The following C1orf21 variants were observed in gnomAD, a reference collection of about 807,000 sequenced individuals.
C1orf21 encodes uncharacterized protein C1orf21.
Under a neutral mutation model 18.7 loss-of-function variants are expected in C1orf21, and 3 were observed. That is an observed-to-expected ratio of 0.16 (90% CI 0.07 to 0.42). C1orf21 has a LOEUF of 0.42. C1orf21 is among the 10% of genes least tolerant of loss of function. The pLI is 0.99. For synonymous variants in C1orf21, 41 were observed against 46.4 expected, an observed-to-expected ratio of 0.88 and a Z score of 0.47; for missense variants, 104 against 143.6, an observed-to-expected ratio of 0.72 and a Z score of 1.41.
chr1:184,507,768 C>A, intron 3 of C1orf21, 86 bp downstream of exon 3: 1 of 1,006,814 alleles, frequency 9.9e-7, no homozygotes, highest in Non-Finnish European at 1.4e-6. Context: ...CTGCAACTTA[C>A]ACACTGGCAC....
At chr1:184,496,734 C>T (rs1255744950) in intron 2 of C1orf21, among the ~76,000 whole-genome samples, 1 of 152,202 alleles carries the variant, frequency 6.6e-6, no homozygotes, top group Non-Finnish European at 1.5e-5. Flanking sequence ...GGCTGTTTTG[C>T]ACCCTGTATG....
chr1:184,567,599 C>T (rs1324656550), intron 3 of C1orf21: 4 of 446,764 alleles, frequency 9.0e-6, no homozygotes, highest in Non-Finnish European at 1.8e-5. Context: ...CTTGGGATTT[C>T]GTTGGTGGGG....
chr1:184,436,305 C>T (rs528605346), intron 1 of C1orf21, among the ~76,000 whole-genome samples: 61 of 152,136 alleles, frequency 4.0e-4, no homozygotes, highest in African/African-American at 1.5e-3. Context: ...CATCTCTTTT[C>T]TTTATGAAGT....
At chr1:184,566,571 G>T in intron 3 of C1orf21, 1 of 381,414 alleles carries the variant, frequency 2.6e-6, no homozygotes, top group Admixed American at 3.0e-5. Context: ...CTCTATGGTG[G>T]GTTTCTTCTC....
At chr1:184,540,948 A>C (rs1339566) in intron 3 of C1orf21, among the ~76,000 whole-genome samples, 77,017 of 152,064 alleles carry the variant, frequency 0.51, 19,757 homozygotes, top group African/African-American at 0.61. Context: ...AGTTCCAAAA[A>C]CAAATGATAA....
Position 184,419,538 on chromosome 1 carries a change from C to G in C1orf21, c.-125+32170C>G, listed in dbSNP as rs1017440368. Among the ~76,000 whole-genome samples the G allele has an allele frequency of 1.1e-4, 17 of 152,164 alleles. No homozygotes were observed. The East Asian group carries it at 3.3e-3, about 29-fold the overall frequency. On this transcript the variant is annotated intron_variant, in intron 1 of 5. Transcript: ENST00000235307. The stretch of plus-strand genomic sequence containing the variant: ...TTCACTGAGCAATGCAAATCTCAGC[C>G]CTCGAGGAGCATATACTTTAGAACT...
At chr1:184,418,702 TCTCATTTAATGTCAATATC>T (rs1656498967) in intron 1 of C1orf21, among the ~76,000 whole-genome samples, 1 of 152,188 alleles carries the variant, frequency 6.6e-6, no homozygotes, top group African/African-American at 2.4e-5. Flanking sequence ...CACAGATTTT[TCTCATTTAATGTCAATATC>T]CTCAGGCACT....
chr1:184,402,388 A>G (rs1398505254), intron 1 of C1orf21, among the ~76,000 whole-genome samples: 1 of 152,172 alleles, frequency 6.6e-6, no homozygotes, highest in East Asian at 1.9e-4. Flanking sequence ...ATCTTTGGCT[A>G]GGCAGAAGGA....
intron 1 of C1orf21, among the ~76,000 whole-genome samples, chr1:184,461,975 A>G (rs72735689): frequency 0.067 from 10,169 of 152,286 alleles, 424 homozygotes; most frequent in Non-Finnish European, 0.082. Context: ...AGAAATGCCC[A>G]TTAGAAACCA....
intron 1 of C1orf21, among the ~76,000 whole-genome samples, chr1:184,466,464 T>C (rs1657400074): frequency 6.6e-6 from 1 of 152,202 alleles, no homozygotes; most frequent in Non-Finnish European, 1.5e-5. Context: ...TAGTGGATGA[T>C]TGCACAGAAT....
At chr1:184,566,709 C>A in intron 3 of C1orf21, 1 of 377,274 alleles carries the variant, frequency 2.7e-6, no homozygotes, top group South Asian at 2.5e-5. Context: ...ACAAAAAAGT[C>A]AGAAGAAACC....
chr1:184,416,200 C>A (rs562396444), intron 1 of C1orf21, among the ~76,000 whole-genome samples: 2 of 152,206 alleles, frequency 1.3e-5, no homozygotes, highest in Admixed American at 6.5e-5. Context: ...TGGATGAGTG[C>A]TTTCTAAAGC....
At chr1:184,527,382 ATATAT>A (rs1658392913) in intron 3 of C1orf21, among the ~76,000 whole-genome samples, 1 of 152,220 alleles carries the variant, frequency 6.6e-6, no homozygotes, top group African/African-American at 2.4e-5. Flanking sequence ...CATAAAAATA[ATATAT>A]TACACACTGA....
At chr1:184,539,904 T>G (rs1424867559) in intron 3 of C1orf21, 1 of 152,238 alleles carries the variant, frequency 6.6e-6, no homozygotes, top group Non-Finnish European at 1.5e-5. Flanking sequence ...GTTCCAGATT[T>G]CTGATCTCTT....
intron 1 of C1orf21, among the ~76,000 whole-genome samples, chr1:184,415,524 G>A (rs1018038198): frequency 6.6e-6 from 1 of 152,090 alleles, no homozygotes; most frequent in African/African-American, 2.4e-5. Context: ...AAAACACATG[G>A]CGTAGGTCAG....
In C1orf21 at chr1:184,507,595, T is replaced by C; in HGVS notation, c.102T>C (p.Tyr34=). 6.2e-7 allele frequency: 1 copy of C among 1,603,366 alleles called. No homozygotes were observed. Among genetic ancestry groups the C allele is most frequent in the Non-Finnish European group, 8.5e-7 (1 of 1,176,652 alleles). Residue 34 remains tyrosine, a synonymous_variant, in exon 3 of 6, where the codon TAT becomes TAC. Coordinates refer to ENST00000235307, the MANE Select transcript of C1orf21 (RefSeq NM_030806.4). Reference sequence around the variant, plus strand: ...TCTTTTTTTGGCACTCAGATGAGTATAGGATCAAACCAGTGGAAGAGGTCA... The same window carrying C: ...TCTTTTTTTGGCACTCAGATGAGTACAGGATCAAACCAGTGGAAGAGGTCA... The part of the protein sequence containing the change: ...YQNGDVFGDE[Y]RIKPVEEVKY...
chr1:184,534,945 A>G (rs539678500), intron 3 of C1orf21, among the ~76,000 whole-genome samples: 1 of 152,222 alleles, frequency 6.6e-6, no homozygotes, highest in African/African-American at 2.4e-5. Context: ...AGTCCAAGGT[A>G]GTGGCAGCAA....
At chr1:184,503,829 G>T (rs1354150445) in intron 2 of C1orf21, among the ~76,000 whole-genome samples, 1 of 152,142 alleles carries the variant, frequency 6.6e-6, no homozygotes, top group Admixed American at 6.5e-5. Flanking sequence ...ACTTTTAAAT[G>T]AATCAACTAG....
chr1:184,571,813 G>A (rs1349848472), intron 3 of C1orf21, among the ~76,000 whole-genome samples: 1 of 152,178 alleles, frequency 6.6e-6, no homozygotes. Flanking sequence ...GCCTTTTTAA[G>A]AATGTAAAGT....
Sources: gnomAD v4.1 joint callset for allele counts (sites outside exome capture counted in the v4.1 genomes callset) on GRCh38, gnomAD v4.1.1 for gene constraint, MANE v1.5 for transcripts, NCBI Gene and HGNC (gene_info 2026-07-23, HGNC 2026-07-21) for gene names.